Variants in VGLL3 observed in about 807,000 individuals in gnomAD.
VGLL3 encodes the protein vestigial like family member 3, also known as transcription cofactor vestigial-like protein 3.
In VGLL3, 18 loss-of-function variants were observed where a neutral mutation model predicts 29.2. The ratio of observed to expected loss-of-function variants is 0.62; its 90% CI spans 0.43 to 0.91. The LOEUF is 0.91. VGLL3 is among the 40% of genes least tolerant of loss of function. The probability of loss-of-function intolerance (pLI) is 0.00; values close to 1 mark genes in which losing one functional copy is unlikely to be tolerated. For synonymous variants in VGLL3, 180 were observed against 151.8 expected (o/e 1.19, Z -1.36); for missense variants, 440 against 413.2 (o/e 1.06, Z -0.56).
intron 3 of VGLL3, among the ~76,000 whole-genome samples, chr3:86,952,576 A>T (rs1704637960): frequency 6.6e-6 from 1 of 152,206 alleles, no homozygotes; most frequent in Non-Finnish European, 1.5e-5. Context: ...AAGACCTAAA[A>T]GTAAAGATAG....
At chr3:86,955,810 C>G (rs918466775) in intron 3 of VGLL3, among the ~76,000 whole-genome samples, 2 of 152,118 alleles carry the variant, frequency 1.3e-5, no homozygotes, top group Admixed American at 1.3e-4. Context: ...TAAGCATCAC[C>G]TAATAGTGCT....
chr3:86,970,483 G>A (rs796924191), intron 2 of VGLL3, among the ~76,000 whole-genome samples: 23 of 141,248 alleles, frequency 1.6e-4, no homozygotes, highest in East Asian at 6.4e-4. Context: ...TTACACACAC[G>A]CACACACACA....
At chr3:86,983,677 G>A (rs1480816461) in intron 1 of VGLL3, among the ~76,000 whole-genome samples, 9 of 152,094 alleles carry the variant, frequency 5.9e-5, no homozygotes, top group African/African-American at 2.2e-4. Flanking sequence ...ATGAGCCACC[G>A]TGCCTGGCCA....
intron 2 of VGLL3, among the ~76,000 whole-genome samples, chr3:86,977,967 T>A (rs1328587556): frequency 6.6e-6 from 1 of 152,216 alleles, no homozygotes; most frequent in African/African-American, 2.4e-5. Flanking sequence ...TGCTGCTCTT[T>A]CTTTATCAAG....
chr3:86,939,971 T>C lies in VGLL3; in HGVS notation c.*7053A>G, dbSNP rs1242190924. The stretch of plus-strand genomic sequence containing the variant: ...TGTAAGATAATAAATTTGTGTTGTT[T>C]TAGGCCGTTATCGTTGTAGTAATGT... On this transcript the variant is annotated 3_prime_UTR_variant, in exon 4 of 4. Transcript: ENST00000398399. 1 of 152,190 alleles carries C rather than the reference T, an allele frequency of 6.6e-6. No homozygotes were observed. Among genetic ancestry groups the C allele is most frequent in the Admixed American group, 6.5e-5 (1 of 15,288 alleles). 9.4% of individuals were successfully genotyped at this position (152,190 alleles called of 1,614,324 possible).
intron 3 of VGLL3, among the ~76,000 whole-genome samples, chr3:86,964,679 A>G (rs1704922611): frequency 6.6e-6 from 1 of 152,180 alleles, no homozygotes; most frequent in Non-Finnish European, 1.5e-5. Context: ...TGAAGTTACA[A>G]TGAAAAGATG....
intron 1 of VGLL3, among the ~76,000 whole-genome samples, chr3:86,979,727 C>A (rs1705283953): frequency 6.6e-6 from 1 of 151,982 alleles, no homozygotes; most frequent in Non-Finnish European, 1.5e-5. Flanking sequence ...ATCATGTAAG[C>A]TGCAGAGTCA....
intron 3 of VGLL3, among the ~76,000 whole-genome samples, chr3:86,950,414 G>T (rs530025526): frequency 6.6e-6 from 1 of 152,182 alleles, no homozygotes; most frequent in South Asian, 2.1e-4. Flanking sequence ...GAGAATTTAC[G>T]CAATCATTGA....
intron 2 of VGLL3, among the ~76,000 whole-genome samples, chr3:86,977,021 C>T (rs868867639): frequency 1.6e-4 from 25 of 152,284 alleles, no homozygotes; most frequent in South Asian, 1.2e-3. Flanking sequence ...GCATCATAGG[C>T]TTCCAAGGAC....
At chr3:86,967,787 A>G (rs1704995461) in intron 3 of VGLL3, among the ~76,000 whole-genome samples, 1 of 152,202 alleles carries the variant, frequency 6.6e-6, no homozygotes, top group African/African-American at 2.4e-5. Context: ...AGAACTATGA[A>G]TACTATTAAT....
intron 1 of VGLL3, among the ~76,000 whole-genome samples, chr3:86,983,569 A>T (rs1705374459): frequency 6.6e-6 from 1 of 152,024 alleles, no homozygotes. Flanking sequence ...ATTTTTTTGT[A>T]GTGACAGGAT....
intron 3 of VGLL3, among the ~76,000 whole-genome samples, chr3:86,952,096 G>A (rs1206024652): frequency 2.0e-5 from 3 of 152,100 alleles, no homozygotes; most frequent in South Asian, 2.1e-4. Flanking sequence ...TAACTTGGAC[G>A]TGAATAACTT....
intron 2 of VGLL3, among the ~76,000 whole-genome samples, chr3:86,969,989 G>A (rs1705060108): frequency 6.6e-6 from 1 of 152,124 alleles, no homozygotes; most frequent in African/African-American, 2.4e-5. Flanking sequence ...TTCATAAAGT[G>A]CCACAAGAGG....
In VGLL3 at chr3:86,946,303, TATAC is replaced by T. The variant is rs1704505548; in HGVS notation, c.*717_*720del. ...GTCATTAAAAAAAAACTTTTCAAGC[TATAC>T]ATATAATTCAAAACTAATTGAGCTA... On this transcript the variant is annotated 3_prime_UTR_variant, in exon 4 of 4. Transcript: ENST00000398399. 1.3e-5 allele frequency: 2 copies of T among 152,172 alleles called. No homozygotes were observed. The highest frequency in any genetic ancestry group is 2.9e-5 in the Non-Finnish European group (2 of 68,026). The allele number at this position is 152,172 out of a possible 1,614,324, so 9.4% of individuals were successfully genotyped here.
chr3:86,991,110 T>C lies in VGLL3; in HGVS notation c.-367A>G, dbSNP rs944405703. 6.7e-5 allele frequency: 15 copies of C among 224,214 alleles called. No homozygotes were observed. In the East Asian group the frequency reaches 2.5e-3, roughly 38 times the overall value. 13.9% of individuals were successfully genotyped at this position (224,214 alleles called of 1,614,324 possible). A position where few individuals can be genotyped will look rare whatever the true frequency, so the allele number is the denominator to read the frequency against. Reference sequence around the variant, plus strand: ...GTCACAGCCACAGCCCAGGCCCGGGTCGGGCAGCCGTGGGGAGCCCAGCTC... The same window carrying C: ...GTCACAGCCACAGCCCAGGCCCGGGCCGGGCAGCCGTGGGGAGCCCAGCTC... On this transcript the variant is annotated 5_prime_UTR_variant, in exon 1 of 4. Coordinates refer to ENST00000398399, the MANE Select transcript of VGLL3 (RefSeq NM_016206.4).
chr3:86,958,524 A>T (rs1051007640), intron 3 of VGLL3, among the ~76,000 whole-genome samples: 2 of 152,212 alleles, frequency 1.3e-5, no homozygotes, highest in Non-Finnish European at 2.9e-5. Context: ...GCAAATCCCC[A>T]TACTTTAGGC....
At chr3:86,951,429 C>T (rs950710972) in intron 3 of VGLL3, among the ~76,000 whole-genome samples, 8 of 152,124 alleles carry the variant, frequency 5.3e-5, no homozygotes, top group Non-Finnish European at 1.2e-4. Flanking sequence ...TTCATGAAAG[C>T]TCTGCCCTCA....
chr3:86,973,031 T>C (rs1196326136), intron 2 of VGLL3, among the ~76,000 whole-genome samples: 1 of 151,980 alleles, frequency 6.6e-6, no homozygotes, highest in East Asian at 1.9e-4. Context: ...TTCACAATAG[T>C]GGGATACTTT....
At chr3:86,977,300 A>G (rs1335122016) in intron 2 of VGLL3, among the ~76,000 whole-genome samples, 3 of 152,072 alleles carry the variant, frequency 2.0e-5, no homozygotes. Context: ...AAGAAAGGTC[A>G]AGTAGGTAAG....
Sources: allele counts gnomAD v4.1 joint callset (sites outside exome capture counted in the v4.1 genomes callset), GRCh38; gene constraint gnomAD v4.1.1; transcripts MANE v1.5; gene names NCBI Gene and HGNC (gene_info 2026-07-23, HGNC 2026-07-21).